Variants in VOPP1 observed in about 807,000 individuals in gnomAD.
VOPP1 encodes VOPP1 WW domain binding protein.
A neutral mutation model predicts 23.5 loss-of-function variants in VOPP1; 8 were observed. That is an observed-to-expected ratio of 0.34 (90% CI 0.20 to 0.61). The LOEUF is 0.61. VOPP1 is among the 20% of genes least tolerant of loss of function. The probability of loss-of-function intolerance (pLI) is 0.78; values close to 1 mark genes in which losing one functional copy is unlikely to be tolerated. For synonymous variants in VOPP1, 83 were observed against 97.3 expected (o/e 0.85, Z 0.86); for missense variants, 174 against 238.1 (o/e 0.73, Z 1.77).
downstream of VOPP1, among the ~76,000 whole-genome samples, chr7:55,469,620 C>T (rs1010748551): frequency 6.6e-6 from 1 of 152,188 alleles, no homozygotes; most frequent in African/African-American, 2.4e-5. Context: ...CACTGCTGCC[C>T]TTTCTTTGTT....
intron 4 of VOPP1, among the ~76,000 whole-genome samples, chr7:55,489,371 G>C (rs1400153547): frequency 6.6e-6 from 1 of 152,188 alleles, no homozygotes; most frequent in Non-Finnish European, 1.5e-5. Context: ...GCAGCCACTC[G>C]CTGTAGAGAG....
At chr7:55,501,611 C>T (rs73348503) in intron 2 of VOPP1, among the ~76,000 whole-genome samples, 1,917 of 152,306 alleles carry the variant, frequency 0.013, 37 homozygotes, top group African/African-American at 0.042. Flanking sequence ...CATTTTTACG[C>T]CTAATTCTAC....
At chr7:55,461,704 C>G (rs1791505124) in intron 4 of VOPP1, among the ~76,000 whole-genome samples, 1 of 152,248 alleles carries the variant, frequency 6.6e-6, no homozygotes, top group Non-Finnish European at 1.5e-5. Context: ...ACGTGAGCCA[C>G]TGCGCCCGGC....
At chr7:55,503,394 C>T (rs1258541528) in intron 2 of VOPP1, among the ~76,000 whole-genome samples, 1 of 152,060 alleles carries the variant, frequency 6.6e-6, no homozygotes, top group Non-Finnish European at 1.5e-5. Flanking sequence ...GAGGGTATGG[C>T]CACTGGACAC....
chr7:55,537,228 C>T (rs967616880), intron 1 of VOPP1, among the ~76,000 whole-genome samples: 25 of 152,250 alleles, frequency 1.6e-4, no homozygotes, highest in African/African-American at 5.5e-4. Flanking sequence ...CAGCTGAACA[C>T]ACATATTTTG....
Sources: allele counts gnomAD v4.1 joint callset (sites outside exome capture counted in the v4.1 genomes callset), GRCh38; gene constraint gnomAD v4.1.1; transcripts MANE v1.5; gene names NCBI Gene and HGNC (gene_info 2026-07-23, HGNC 2026-07-21).